Variants in TTC34 observed in about 807,000 individuals in gnomAD.
TTC34 encodes the protein tetratricopeptide repeat domain 34.
A neutral mutation model predicts 40.7 loss-of-function variants in TTC34; 44 were observed. That is an observed-to-expected ratio of 1.08 (90% confidence interval 0.85 to 1.39). The LOEUF (loss-of-function observed/expected upper bound fraction) is 1.39, where lower values mean the gene tolerates loss of function less well. Ranked by LOEUF, TTC34 falls within the 40% of genes most tolerant of loss-of-function variation. TTC34 has a pLI of 0.00. For missense variants in TTC34, 884 were observed against 838.0 expected (o/e 1.05, Z -0.68); for synonymous variants, 422 against 398.6 (o/e 1.06, Z -0.70).
chr1:2,683,165 C>T (rs1263105339), intron 6 of TTC34, among the ~76,000 whole-genome samples: 1 of 136,828 alleles, frequency 7.3e-6, no homozygotes, highest in Non-Finnish European at 1.6e-5. Flanking sequence ...AGGAGAGCAT[C>T]CGGCAGCCTG....
At chr1:2,638,235 T>G (rs571331932) in exon 9 of TTC34, 2 of 152,160 alleles carry the variant, frequency 1.3e-5, no homozygotes, top group East Asian at 3.9e-4. Flanking sequence ...CACACCAAAA[T>G]GCTCGTAAGA....
At chr1:2,783,461 C>G (rs1478400915) in intron 6 of TTC34, 148 bp downstream of exon 6, 1 of 796,150 alleles carries the variant, frequency 1.3e-6, no homozygotes, top group African/African-American at 1.8e-5. Flanking sequence ...AGCCGCTGTA[C>G]AGGTGGGGAT....
intron 3 of TTC34, 149 bp from the exon 4 acceptor site, chr1:2,787,855 G>A: frequency 1.6e-6 from 1 of 612,152 alleles, no homozygotes; most frequent in African/African-American, 1.8e-5. Flanking sequence ...ATCCCCAGAA[G>A]CCAAAGGTGC....
intron 6 of TTC34, among the ~76,000 whole-genome samples, chr1:2,683,142 C>A (rs1305212959): frequency 2.3e-5 from 3 of 132,594 alleles, no homozygotes; most frequent in East Asian, 2.1e-4. Context: ...CCTGGAACAG[C>A]ACGCACAGCC....
intron 6 of TTC34, among the ~76,000 whole-genome samples, chr1:2,648,141 G>A (rs961648104): frequency 1.3e-5 from 2 of 151,562 alleles, no homozygotes; most frequent in Non-Finnish European, 2.9e-5. Context: ...GCCATCTCAG[G>A]GTCTGTTTCT....
At chr1:2,686,691 GCGC>G (rs1640367592) in intron 6 of TTC34, among the ~76,000 whole-genome samples, 1 of 60,288 alleles carries the variant, frequency 1.7e-5, no homozygotes, top group African/African-American at 7.1e-5. Flanking sequence ...ACCCCCAGGT[GCGC>G]ACGTGACAGC....
rs1229101757 is a variant in TTC34 at position 2,750,854 on chromosome 1, T to A, written c.2226+32755A>T. Among the ~76,000 whole-genome samples the A allele has an allele frequency of 6.7e-3, 566 of 85,014 alleles. 9 individuals are homozygous for A. Among genetic ancestry groups the A allele is most frequent in the Admixed American group, 0.014 (107 of 7,600 alleles). 55.8% of individuals were successfully genotyped at this position (85,014 alleles called of 152,430 possible). A position where few individuals can be genotyped will look rare whatever the true frequency, so the allele number is the denominator to read the frequency against. On this transcript the variant is annotated intron_variant, in intron 6 of 8. Transcript: ENST00000401095. ...CTGGAGCAGTACCCACACACCCAGGTGAGCATCTGACAGCGTGGAGCAGCA... is the reference window on the plus strand; with the variant it reads ...CTGGAGCAGTACCCACACACCCAGGAGAGCATCTGACAGCGTGGAGCAGCA...
intron 6 of TTC34, among the ~76,000 whole-genome samples, chr1:2,675,556 C>T (rs1164049839): frequency 7.3e-6 from 1 of 136,200 alleles, no homozygotes; most frequent in Non-Finnish European, 1.6e-5. Flanking sequence ...TGGAAGAGCA[C>T]CCACACCCCA....
intron 6 of TTC34, among the ~76,000 whole-genome samples, chr1:2,749,032 G>C (rs1641233735): frequency 2.0e-5 from 3 of 149,686 alleles, no homozygotes; most frequent in Admixed American, 6.7e-5. Flanking sequence ...GCCTGGAACA[G>C]CACCCACACC....
intron 6 of TTC34, among the ~76,000 whole-genome samples, chr1:2,754,880 CCT>C (rs1641454667): frequency 1.3e-5 from 1 of 76,566 alleles, no homozygotes; most frequent in Non-Finnish European, 2.3e-5. Flanking sequence ...CCTGTGACAG[CCT>C]CGAACAGCAC....
At position 2,694,704 on chromosome 1, in the gene TTC34, C is replaced by T. The variant is rs1280920724; in HGVS notation, c.2227-49141G>A. Among the ~76,000 whole-genome samples, 2 of 85,010 alleles carry T rather than the reference C, an allele frequency of 2.4e-5. 1 individual carries two copies. Among genetic ancestry groups the T allele is most frequent in the Non-Finnish European group, 5.8e-5 (2 of 34,324 alleles). The allele number at this position is 85,010 out of a possible 152,430, so 55.8% of individuals were successfully genotyped here. A position where few individuals can be genotyped will look rare whatever the true frequency, so the allele number is the denominator to read the frequency against. On this transcript the variant is annotated intron_variant, in intron 6 of 8. Coordinates refer to ENST00000401095, the Ensembl canonical transcript of TTC34. ...GACCATTGGACACCCTGGAGCAGCA[C>T]CCACAACCACAGGTGAGCATCTGAC...
intron 6 of TTC34, among the ~76,000 whole-genome samples, chr1:2,750,578 T>G (rs1641285112): frequency 6.7e-6 from 1 of 149,274 alleles, no homozygotes; most frequent in African/African-American, 2.5e-5. Flanking sequence ...CAGGTGAGCA[T>G]CTGACATCGT....
intron 6 of TTC34, among the ~76,000 whole-genome samples, chr1:2,693,608 T>C (rs1298018850): frequency 2.2e-3 from 38 of 17,072 alleles, no homozygotes; most frequent in South Asian, 4.8e-3. Context: ...CATCGGAGAG[T>C]CTGGAGCAGC....
At chr1:2,688,287 A>T (rs1640463564) in intron 6 of TTC34, among the ~76,000 whole-genome samples, 1 of 115,552 alleles carries the variant, frequency 8.7e-6, no homozygotes, top group Non-Finnish European at 1.6e-5. Context: ...CAGCACCCAC[A>T]CTCCCAGGCG....
chr1:2,675,052 C>A (rs1570787186), intron 6 of TTC34, among the ~76,000 whole-genome samples: 2 of 132,372 alleles, frequency 1.5e-5, no homozygotes, highest in African/African-American at 5.5e-5. Context: ...CACAGGTGAG[C>A]ATCGGAGAGT....
At chr1:2,641,345 G>A (rs1638897316) in exon 9 of TTC34, 2 of 1,473,082 alleles carry the variant, frequency 1.4e-6, no homozygotes, top group Non-Finnish European at 1.8e-6. Context: ...CCGTGATTAG[G>A]GCTGGGAGAG....
At chr1:2,772,727 C>T (rs1364940490) in intron 6 of TTC34, among the ~76,000 whole-genome samples, 3 of 30,134 alleles carry the variant, frequency 1.0e-4, no homozygotes, top group Non-Finnish European at 2.2e-4. Context: ...GGAGCAGCAC[C>T]CCACACCCCC....
At chr1:2,752,674 C>A (rs1400187893) in intron 6 of TTC34, among the ~76,000 whole-genome samples, 2 of 143,570 alleles carry the variant, frequency 1.4e-5, no homozygotes, top group East Asian at 2.2e-4. Context: ...CATCTGACAA[C>A]CTGCAACAGC....
At position 2,760,461 on chromosome 1, in the gene TTC34, G is replaced by A. The variant is rs1217180719; in HGVS notation, c.2226+23148C>T. Among the ~76,000 whole-genome samples, 2 of 52,292 alleles carry A rather than the reference G, an allele frequency of 3.8e-5. 1 individual carries two copies. Among genetic ancestry groups the A allele is most frequent in the Non-Finnish European group, 5.9e-5 (2 of 33,686 alleles). 34.3% of individuals were successfully genotyped at this position (52,292 alleles called of 152,430 possible). A position where few individuals can be genotyped will look rare whatever the true frequency, so the allele number is the denominator to read the frequency against. On this transcript the variant is annotated intron_variant, in intron 6 of 8. Transcript: ENST00000401095. ...CATCCACACACCCAGGCGAGAATCT[G>A]ACAGCCTGGAACACCACCCACATCC...
Sources: allele counts gnomAD v4.1 joint callset (sites outside exome capture counted in the v4.1 genomes callset), GRCh38; gene constraint gnomAD v4.1.1; transcripts MANE v1.5; gene names NCBI Gene and HGNC (gene_info 2026-07-23, HGNC 2026-07-21).